The following LATS2 variants were observed in gnomAD, a reference collection of about 807,000 sequenced individuals.
LATS2 encodes the protein serine/threonine-protein kinase LATS2.
In LATS2, 24 loss-of-function variants were observed where a neutral mutation model predicts 76.0. That is an observed-to-expected ratio of 0.32 (90% confidence interval 0.23 to 0.44). LATS2 has a LOEUF of 0.44. Ranked by LOEUF, LATS2 falls within the 20% of genes least tolerant of loss-of-function variation. The probability of loss-of-function intolerance (pLI) is 1.00; values close to 1 mark genes in which losing one functional copy is unlikely to be tolerated. For missense variants in LATS2, 1,286 were observed against 1,481.2 expected (o/e 0.87, Z 2.16); for synonymous variants, 692 against 635.4 (o/e 1.09, Z -1.34).
chr13:21,000,477 A>G (rs1007633320), intron 2 of LATS2, among the ~76,000 whole-genome samples: 1 of 152,118 alleles, frequency 6.6e-6, no homozygotes, highest in African/African-American at 2.4e-5. Context: ...ATTTATTATC[A>G]AAAGTTATTA....
At chr13:20,977,516 G>T (rs577114645) in intron 7 of LATS2, among the ~76,000 whole-genome samples, 1 of 152,054 alleles carries the variant, frequency 6.6e-6, no homozygotes, top group African/African-American at 2.4e-5. Context: ...TAACACATTT[G>T]AAAATAGAGG....
In LATS2 at chr13:21,045,754, C is replaced by T. The variant is rs147129744; in HGVS notation, c.273G>A (p.Ser91=). The T allele has an allele frequency of 2.5e-4, 405 of 1,614,050 alleles. No homozygotes were observed. Among genetic ancestry groups the T allele is most frequent in the Non-Finnish European group, 3.0e-4 (351 of 1,180,050 alleles). The change falls in exon 2 of 8, where the codon TCG becomes TCA. Residue 91 remains serine (S), a synonymous_variant. Transcript: ENST00000382592. ...TCACTTCTGCAGCTGCAGAGGTGCC[C>T]GATTCATTAGCAAAAGGCAACAAGG... The part of the protein sequence containing the change: ...RYSLLPFANE[S]GTSAAAEVNR...
At chr13:20,987,227 A>G (rs1870194861) in intron 4 of LATS2, among the ~76,000 whole-genome samples, 2 of 147,464 alleles carry the variant, frequency 1.4e-5, no homozygotes, top group Admixed American at 1.4e-4. Context: ...ATAAAAATAA[A>G]AAAAACACAA....
rs746527743 is a variant in LATS2 at position 20,988,021 on chromosome 13, C to G, written c.1759G>C (p.Glu587Gln). ...TTGATGCGTGACTCTCTCTTCTCTT[C>G]GTCTCTGCTGTTTTTGCGGACGGGA... ...PVPVRKNSRDEEKRESRIKSY... is the reference protein window; with the variant it reads ...PVPVRKNSRDQEKRESRIKSY... The change falls in exon 4 of 8, where the codon GAA becomes CAA. Residue 587 changes from glutamate to glutamine, a missense_variant. By Grantham distance (29) the Glu-to-Gln change is conservative. This residue lies in a region of LATS2 where 710 missense variants were observed against 660.9 expected (regional missense o/e 1.07). Coordinates refer to ENST00000382592, the MANE Select transcript of LATS2 (RefSeq NM_014572.3). 1.9e-5 allele frequency: 31 copies of G among 1,614,264 alleles called. 1 individual carries two copies. In the South Asian group the frequency reaches 3.4e-4, roughly 18 times the overall value.
At chr13:21,026,562 T>C (rs1477341939) in intron 2 of LATS2, among the ~76,000 whole-genome samples, 1 of 152,236 alleles carries the variant, frequency 6.6e-6, no homozygotes, top group Admixed American at 6.5e-5. Flanking sequence ...AAAACTACTA[T>C]AAATATTTGT....
Position 21,054,413 on chromosome 13 carries a change from G to A in LATS2, c.-205+6933C>T, listed in dbSNP as rs948312516. ...ACAGAGCAAGTCTCCACCTCAAAAAGAAAAAAAATTTAAATAAATAAATAA... is the reference window on the plus strand; with the variant it reads ...ACAGAGCAAGTCTCCACCTCAAAAAAAAAAAAAATTTAAATAAATAAATAA... On this transcript the variant is annotated intron_variant, in intron 1 of 7. Transcript: ENST00000382592. Among the ~76,000 whole-genome samples, 13 of 151,738 alleles carry A rather than the reference G, an allele frequency of 8.6e-5. No individual in the cohort carries two copies. In the East Asian group the frequency reaches 9.7e-4, roughly 11 times the overall value.
intron 2 of LATS2, among the ~76,000 whole-genome samples, chr13:21,012,394 G>A (rs1304324294): frequency 1.3e-5 from 2 of 152,138 alleles, no homozygotes; most frequent in Non-Finnish European, 2.9e-5. Flanking sequence ...CCACACATGC[G>A]TAAGTAAGAG....
chr13:20,997,756 C>A (rs1192726058), intron 2 of LATS2, among the ~76,000 whole-genome samples: 2 of 152,234 alleles, frequency 1.3e-5, no homozygotes, highest in South Asian at 2.1e-4. Context: ...CAATCTACCG[C>A]TCAGCTCTTA....
chr13:21,026,727 A>G (rs1459994570), intron 2 of LATS2, among the ~76,000 whole-genome samples: 3 of 152,210 alleles, frequency 2.0e-5, no homozygotes, highest in Non-Finnish European at 2.9e-5. Flanking sequence ...AGACAGAGGC[A>G]AGAGGATTGT....
At chr13:21,021,475 A>C (rs1372259034) in intron 2 of LATS2, among the ~76,000 whole-genome samples, 3 of 30,872 alleles carry the variant, frequency 9.7e-5, no homozygotes, top group African/African-American at 3.5e-4. Context: ...ACTCTGTCTC[A>C]AAAAAAAAAA....
intron 2 of LATS2, among the ~76,000 whole-genome samples, chr13:21,040,160 G>C (rs1872819286): frequency 6.6e-6 from 1 of 152,108 alleles, no homozygotes; most frequent in Non-Finnish European, 1.5e-5. Flanking sequence ...GCTGAGGCAG[G>C]CGTATCGCTT....
At chr13:21,028,002 C>T (rs1872376607) in intron 2 of LATS2, among the ~76,000 whole-genome samples, 1 of 151,894 alleles carries the variant, frequency 6.6e-6, no homozygotes, top group South Asian at 2.1e-4. Context: ...CATATGTATA[C>T]ATGTGCCATG....
intron 3 of LATS2, 129 bp from the exon 4 acceptor site, chr13:20,989,433 C>A: frequency 1.1e-6 from 1 of 918,004 alleles, no homozygotes; most frequent in Non-Finnish European, 1.7e-6. Context: ...CCCTGACGTG[C>A]TGCATTCTGC....
rs1186805869 is a variant in LATS2 at position 21,038,132 on chromosome 13, T to C, written c.342+7553A>G. ...AAAACCGAAACAAAACAAATCAGAC[T>C]GAGGAGGGTACTGTGCAGGGAAGGC... On this transcript the variant is annotated intron_variant, in intron 2 of 7. Transcript: ENST00000382592. Among the ~76,000 whole-genome samples the C allele has an allele frequency of 3.3e-5, 5 of 151,736 alleles. No homozygotes were observed. In the South Asian group the frequency reaches 6.3e-4, roughly 19 times the overall value.
intron 2 of LATS2, among the ~76,000 whole-genome samples, chr13:20,992,975 G>T (rs916889563): frequency 6.7e-6 from 1 of 148,538 alleles, no homozygotes; most frequent in African/African-American, 2.5e-5. Context: ...GGTGGAGGCT[G>T]CAGTGAGCCG....
intron 7 of LATS2, among the ~76,000 whole-genome samples, chr13:20,979,288 T>C (rs917990306): frequency 6.6e-6 from 1 of 152,224 alleles, no homozygotes; most frequent in Non-Finnish European, 1.5e-5. Context: ...TGCAGGGGGT[T>C]TGGCACCCCA....
At chr13:20,998,075 G>A (rs1870836363) in intron 2 of LATS2, among the ~76,000 whole-genome samples, 1 of 152,170 alleles carries the variant, frequency 6.6e-6, no homozygotes, top group African/African-American at 2.4e-5. Context: ...GCTTTCTCAG[G>A]TAACTTCCAC....
chr13:20,984,456 A>C (rs1870051608), intron 4 of LATS2, among the ~76,000 whole-genome samples: 1 of 152,198 alleles, frequency 6.6e-6, no homozygotes, highest in Non-Finnish European at 1.5e-5. Context: ...AAAAGTCAAC[A>C]ATCAGCATAC....
intron 2 of LATS2, among the ~76,000 whole-genome samples, chr13:20,995,557 A>G (rs1023192583): frequency 6.6e-6 from 1 of 152,222 alleles, no homozygotes; most frequent in African/African-American, 2.4e-5. Context: ...TGAGTGAGTG[A>G]CTGAGTTAGA....
Sources: gnomAD v4.1 joint callset for allele counts (sites outside exome capture counted in the v4.1 genomes callset) on GRCh38, gnomAD v4.1.1 for gene constraint, gnomAD v4.1.1 regional missense constraint, MANE v1.5 for transcripts, NCBI Gene and HGNC (gene_info 2026-07-23, HGNC 2026-07-21) for gene names.